Variants in ZBTB20 observed in about 807,000 individuals in gnomAD.
ZBTB20 encodes the protein zinc finger and BTB domain-containing protein 20.
Under a neutral mutation model 56.9 loss-of-function variants are expected in ZBTB20, and 9 were observed. That is an observed-to-expected ratio of 0.16 (90% CI 0.10 to 0.28). The LOEUF is 0.28. Among genes scored for constraint, ZBTB20 ranks in the 10% least tolerant of loss-of-function variants. ZBTB20 has a pLI of 1.00. For synonymous variants in ZBTB20, 417 were observed against 420.7 expected (o/e 0.99, Z 0.11); for missense variants, 655 against 1,003.0 (o/e 0.65, Z 4.69).
At chr3:114,767,256 ACTAC>A (rs1341387519) in intron 5 of ZBTB20, among the ~76,000 whole-genome samples, 1 of 152,136 alleles carries the variant, frequency 6.6e-6, no homozygotes, top group African/African-American at 2.4e-5. Context: ...TTGCATAGAT[ACTAC>A]CTTTTTTCCC....
At chr3:114,443,405 G>A (rs986708015) in intron 7 of ZBTB20, among the ~76,000 whole-genome samples, 18 of 152,114 alleles carry the variant, frequency 1.2e-4, no homozygotes, top group African/African-American at 4.3e-4. Context: ...GGGGGTCTGT[G>A]GGGAACCTGA....
intron 3 of ZBTB20, among the ~76,000 whole-genome samples, chr3:114,941,198 T>C (rs1158850088): frequency 6.8e-6 from 1 of 146,146 alleles, no homozygotes; most frequent in Non-Finnish European, 1.5e-5. Flanking sequence ...GGGATAACAA[T>C]AATAATCTGC....
intron 5 of ZBTB20, among the ~76,000 whole-genome samples, chr3:114,725,309 T>A (rs569369801): frequency 6.6e-6 from 1 of 152,328 alleles, no homozygotes; most frequent in South Asian, 2.1e-4. Flanking sequence ...ACTAACATTA[T>A]CTTCATCTCT....
intron 4 of ZBTB20, among the ~76,000 whole-genome samples, chr3:114,898,482 T>C (rs2074978042): frequency 6.6e-6 from 1 of 152,194 alleles, no homozygotes; most frequent in African/African-American, 2.4e-5. Context: ...CATATCTATG[T>C]AACTGGCAGT....
At chr3:115,110,749 G>C (rs528627804) in intron 1 of ZBTB20, among the ~76,000 whole-genome samples, 1 of 152,104 alleles carries the variant, frequency 6.6e-6, no homozygotes, top group African/African-American at 2.4e-5. Context: ...AGCACTTTGG[G>C]AGGCCAAGGC....
chr3:114,405,483 G>A (rs911484496), intron 7 of ZBTB20, among the ~76,000 whole-genome samples: 5 of 152,074 alleles, frequency 3.3e-5, no homozygotes, highest in African/African-American at 1.2e-4. Flanking sequence ...TGGGTTTAAG[G>A]GATGGGCCAT....
At chr3:114,553,960 G>GT (rs1165123344) in intron 6 of ZBTB20, among the ~76,000 whole-genome samples, 1 of 152,168 alleles carries the variant, frequency 6.6e-6, no homozygotes, top group African/African-American at 2.4e-5. Context: ...AAAATGTACA[G>GT]ATGAGCTTGT....
intron 2 of ZBTB20, among the ~76,000 whole-genome samples, chr3:115,023,774 G>T: frequency 6.7e-6 from 1 of 149,688 alleles, no homozygotes; most frequent in Non-Finnish European, 1.5e-5. Flanking sequence ...TACACTACTG[G>T]TGTACTCAGA....
At chr3:114,344,465 C>T (rs1158820123) in intron 11 of ZBTB20, among the ~76,000 whole-genome samples, 2 of 152,174 alleles carry the variant, frequency 1.3e-5, no homozygotes, top group Non-Finnish European at 2.9e-5. Context: ...GATTATGCTG[C>T]AAAATGTATG....
intron 3 of ZBTB20, among the ~76,000 whole-genome samples, chr3:114,955,420 C>T (rs905372134): frequency 2.6e-5 from 4 of 152,182 alleles, no homozygotes; most frequent in Admixed American, 2.6e-4. Context: ...TTCCTAACCC[C>T]TGAATTGAAT....
rs1484919003 is a variant in ZBTB20, at chr3:114,330,145, CA to C, written c.*8859del. 5 of 151,938 alleles carry C rather than the reference CA, an allele frequency of 3.3e-5. No homozygotes were observed. The highest frequency in any genetic ancestry group is 7.4e-5 in the Non-Finnish European group (5 of 67,962). The allele number at this position is 151,938 out of a possible 1,614,324, so 9.4% of individuals were successfully genotyped here. ...ATTAGTCACACCAACAAAAAAGTTT[CA>C]AAAAAAGTTTTCACTTTCCTACATT... On this transcript the variant is annotated 3_prime_UTR_variant, in exon 12 of 12. Coordinates refer to ENST00000675478, the MANE Select transcript of ZBTB20 (RefSeq NM_001348800.3).
chr3:114,675,050 C>CAT (rs998730054), intron 6 of ZBTB20, among the ~76,000 whole-genome samples: 23 of 147,786 alleles, frequency 1.6e-4, no homozygotes, highest in South Asian at 8.4e-4. Flanking sequence ...ATCTATCTTT[C>CAT]ATATATATAT....
At chr3:114,651,058 A>G (rs1419257808) in intron 6 of ZBTB20, among the ~76,000 whole-genome samples, 1 of 152,094 alleles carries the variant, frequency 6.6e-6, no homozygotes, top group African/African-American at 2.4e-5. Context: ...TGACTTGGTA[A>G]ATATTCAGTG....
chr3:114,524,667 T>C (rs1009731802), intron 6 of ZBTB20, among the ~76,000 whole-genome samples: 5 of 152,166 alleles, frequency 3.3e-5, no homozygotes, highest in Admixed American at 6.5e-5. Context: ...ATCACCTGTG[T>C]CTACCCTTTC....
At chr3:114,563,766 C>T (rs557719677) in intron 6 of ZBTB20, among the ~76,000 whole-genome samples, 2 of 152,160 alleles carry the variant, frequency 1.3e-5, no homozygotes, top group South Asian at 2.1e-4. Context: ...CCAAATGATG[C>T]CACAAAGACA....
chr3:114,774,530 A>T (rs1278022837), intron 5 of ZBTB20, among the ~76,000 whole-genome samples: 2 of 152,150 alleles, frequency 1.3e-5, no homozygotes, highest in Non-Finnish European at 1.5e-5. Context: ...TAAAAACTTC[A>T]GTCATTTTGT....
intron 2 of ZBTB20, among the ~76,000 whole-genome samples, chr3:115,041,846 ATTGT>A (rs2081156457): frequency 6.6e-6 from 1 of 152,208 alleles, no homozygotes; most frequent in Non-Finnish European, 1.5e-5. Context: ...CAACAGTAGA[ATTGT>A]TTATTTAGTA....
intron 7 of ZBTB20, among the ~76,000 whole-genome samples, chr3:114,415,047 C>T (rs2088393352): frequency 1.3e-5 from 2 of 152,030 alleles, no homozygotes; most frequent in African/African-American, 4.8e-5. Flanking sequence ...AGGGACCACC[C>T]AAATAGTGAC....
intron 1 of ZBTB20, among the ~76,000 whole-genome samples, chr3:115,138,593 G>T (rs1457587490): frequency 6.6e-6 from 1 of 152,012 alleles, no homozygotes; most frequent in Non-Finnish European, 1.5e-5. Flanking sequence ...AGCTGTACTT[G>T]AGTTTAATTT....
Sources: allele counts gnomAD v4.1 joint callset (sites outside exome capture counted in the v4.1 genomes callset), GRCh38; gene constraint gnomAD v4.1.1; transcripts MANE v1.5; gene names NCBI Gene and HGNC (gene_info 2026-07-23, HGNC 2026-07-21).